The following ZSCAN5A variants were observed in gnomAD, a reference collection of about 807,000 sequenced individuals.
ZSCAN5A encodes zinc finger and SCAN domain containing 5A.
In ZSCAN5A, 12 loss-of-function variants were observed where a neutral mutation model predicts 23.7. The observed-to-expected ratio is 0.51, with a 90% CI of 0.32 to 0.82. The LOEUF is 0.82. Among genes scored for constraint, ZSCAN5A ranks in the 40% least tolerant of loss-of-function variants. The pLI, the probability that ZSCAN5A is intolerant of heterozygous loss-of-function variation, is 0.03. For synonymous variants in ZSCAN5A, 257 were observed against 239.9 expected, an observed-to-expected ratio of 1.07 and a Z score of -0.66; for missense variants, 597 against 617.9, an observed-to-expected ratio of 0.97 and a Z score of 0.36.
chr19:56,244,776 A>T (rs1230123466), intron 2 of ZSCAN5A, among the ~76,000 whole-genome samples: 5 of 150,850 alleles, frequency 3.3e-5, no homozygotes, highest in Non-Finnish European at 7.4e-5. Flanking sequence ...AACATGAAAG[A>T]AAGACATTGG....
In ZSCAN5A at chr19:56,351,311, C is replaced by T. The variant is rs1302386130; in HGVS notation, c.-358+11924G>A. Among the ~76,000 whole-genome samples, 1 of 152,110 alleles carries T rather than the reference C, an allele frequency of 6.6e-6. No individual in the cohort carries two copies. Among genetic ancestry groups the T allele is most frequent in the Non-Finnish European group, 1.5e-5 (1 of 68,034 alleles). On this transcript the variant is annotated intron_variant, in intron 2 of 6. Transcript: ENST00000587340. This position sits in a 1 kb window ranked among gnomAD's most constrained non-coding sequence, Gnocchi z 4.8. The stretch of plus-strand genomic sequence containing the variant: ...ACATGGTGATTCCCACCGTCTTCTC[C>T]TTGTTACCACCTGTGCAAAGTGTGA...
At chr19:56,338,653 C>T (rs2041563962) in intron 2 of ZSCAN5A, 1 of 152,210 alleles carries the variant, frequency 6.6e-6, no homozygotes, top group African/African-American at 2.4e-5. Context: ...GATGATTATA[C>T]CAGGACTATG....
At chr19:56,240,754 T>C (rs1377983520) in intron 2 of ZSCAN5A, among the ~76,000 whole-genome samples, 2 of 152,324 alleles carry the variant, frequency 1.3e-5, no homozygotes, top group East Asian at 3.9e-4. Context: ...GGTTACATTT[T>C]AGAGACGGGG....
intron 2 of ZSCAN5A, among the ~76,000 whole-genome samples, chr19:56,294,106 G>C (rs1368580579): frequency 3.3e-5 from 5 of 152,160 alleles, no homozygotes; most frequent in South Asian, 2.1e-4. Flanking sequence ...AGCAGACCCA[G>C]CAGGAAAATC....
intron 2 of ZSCAN5A, among the ~76,000 whole-genome samples, chr19:56,251,374 C>T (rs576229359): frequency 6.6e-6 from 1 of 151,974 alleles, no homozygotes; most frequent in South Asian, 2.1e-4. Flanking sequence ...CACTTTCTAG[C>T]GTATTCTTTC....
chr19:56,300,923 G>A (rs1476616857), intron 2 of ZSCAN5A, among the ~76,000 whole-genome samples: 1 of 152,164 alleles, frequency 6.6e-6, no homozygotes, highest in Non-Finnish European at 1.5e-5. Context: ...AAAGCGACAC[G>A]GTCGGATCTG....
chr19:56,296,832 G>C (rs1008320514), intron 2 of ZSCAN5A, among the ~76,000 whole-genome samples: 1 of 152,118 alleles, frequency 6.6e-6, no homozygotes, highest in African/African-American at 2.4e-5. Flanking sequence ...TCAGAAGTTC[G>C]AGACCAGCCT....
intron 2 of ZSCAN5A, chr19:56,294,978 G>C (rs1267817891): frequency 6.6e-6 from 1 of 152,238 alleles, no homozygotes; most frequent in African/African-American, 2.4e-5. Context: ...CCGCGGGAGA[G>C]GGGGGTGAGC....
At chr19:56,281,298 T>C (rs2038680721) in intron 2 of ZSCAN5A, among the ~76,000 whole-genome samples, 1 of 152,156 alleles carries the variant, frequency 6.6e-6, no homozygotes, top group South Asian at 2.1e-4. Context: ...AATGCACATC[T>C]AAGTGGATAA....
intron 2 of ZSCAN5A, among the ~76,000 whole-genome samples, chr19:56,275,751 C>A (rs1042524869): frequency 1.3e-5 from 2 of 152,156 alleles, no homozygotes; most frequent in Non-Finnish European, 2.9e-5. Context: ...TACTCTTATA[C>A]CAGAACTTCT....
At chr19:56,285,077 T>C in intron 2 of ZSCAN5A, 1 of 916,848 alleles carries the variant, frequency 1.1e-6, no homozygotes, top group Non-Finnish European at 1.3e-6. Flanking sequence ...GTCCGCAAGG[T>C]AATGTAGACT....
chr19:56,322,161 T>TC (rs2041382676), intron 2 of ZSCAN5A: 1 of 788,158 alleles, frequency 1.3e-6, no homozygotes, highest in Admixed American at 1.7e-5. Flanking sequence ...GGCTCCCTGT[T>TC]AACAGGTTCT....
intron 2 of ZSCAN5A, chr19:56,302,761 T>C (rs1298103181): frequency 3.0e-6 from 1 of 334,866 alleles, no homozygotes; most frequent in Non-Finnish European, 5.4e-6. Context: ...CCTTCTGCAC[T>C]AACACAGCCC....
At chr19:56,360,329 CA>C (rs1422786834) in intron 2 of ZSCAN5A, among the ~76,000 whole-genome samples, 7 of 151,980 alleles carry the variant, frequency 4.6e-5, no homozygotes, top group African/African-American at 1.7e-4. Context: ...TCACAATTGC[CA>C]CAGAGAAAAT....
At chr19:56,248,247 T>C (rs1386187445) in intron 2 of ZSCAN5A, among the ~76,000 whole-genome samples, 2 of 152,030 alleles carry the variant, frequency 1.3e-5, no homozygotes, top group African/African-American at 4.8e-5. Flanking sequence ...GTTTTCTTTT[T>C]TGCTTCTTTT....
At chr19:56,329,147 G>A (rs2041466291) in intron 2 of ZSCAN5A, among the ~76,000 whole-genome samples, 1 of 152,034 alleles carries the variant, frequency 6.6e-6, no homozygotes, top group Non-Finnish European at 1.5e-5. Context: ...CCAGAAGTAT[G>A]AGACCAACCT....
rs552849791 is a variant in ZSCAN5A, at chr19:56,251,410, C to T, written c.-127-26237G>A. ...TCTGGGGAAAAATGATTGGGAGTTT[C>T]GAAAGAGAATCTGCATTGAGAAGCT... On this transcript the variant is annotated intron_variant, in intron 2 of 5. Transcript: ENST00000683990. Among the ~76,000 whole-genome samples the T allele has an allele frequency of 1.3e-3, 200 of 151,860 alleles. 1 individual carries two copies. The highest frequency in any genetic ancestry group is 4.6e-3 in the African/African-American group (191 of 41,394).
Position 56,222,658 on chromosome 19 carries a change from A to T in ZSCAN5A, c.672T>A (p.Asp224Glu). ...SLRPKQTLEK[D>E]LKENREENPG... ...GGTTCTCTTCCCTGTTTTCCTTCAG[A>T]TCCTTCTCCAAGGTCTGCTTGGGTC... The change falls in exon 5 of 6, where the codon GAT becomes GAA. Residue 224 changes from aspartate to glutamate, a missense_variant. Physicochemically the swap from Asp to Glu is conservative, Grantham distance 45. This residue lies in a region of ZSCAN5A where 406 missense variants were observed against 353.2 expected (regional missense o/e 1.15). Coordinates refer to ENST00000683990, the MANE Select transcript of ZSCAN5A (RefSeq NM_001322064.3). 1.2e-6 allele frequency: 2 copies of T among 1,614,082 alleles called. No homozygotes were observed. Among genetic ancestry groups the T allele is most frequent in the South Asian group, 1.1e-5 (1 of 91,082 alleles).
intron 2 of ZSCAN5A, chr19:56,321,483 T>C: frequency 1.4e-6 from 1 of 698,056 alleles, no homozygotes. Context: ...ATTCCTGCCC[T>C]GTGAGGACAT....
Sources: gnomAD v4.1 joint callset for allele counts (sites outside exome capture counted in the v4.1 genomes callset) on GRCh38, gnomAD v4.1.1 for gene constraint, gnomAD v4.1.1 regional missense constraint, Gnocchi (gnomAD v3.1) non-coding constraint, MANE v1.5 for transcripts, NCBI Gene and HGNC (gene_info 2026-07-23, HGNC 2026-07-21) for gene names.